UPP2: variants seen among roughly 807,000 people sequenced by gnomAD.
The protein encoded by UPP2 is uridine phosphorylase 2, also known as UPase 2.
In UPP2, 23 loss-of-function variants were observed where a neutral mutation model predicts 26.7. That is an observed-to-expected ratio of 0.86 (90% CI 0.62 to 1.22). UPP2 has a LOEUF of 1.22. Among genes scored for constraint, UPP2 ranks in the 50% most tolerant of loss-of-function variants. UPP2 has a pLI of 0.00. For synonymous variants in UPP2, 127 were observed against 141.3 expected (o/e 0.90, Z 0.72); for missense variants, 387 against 396.7 (o/e 0.98, Z 0.21).
chr2:158,013,003 G>A (rs769100990), intron 2 of UPP2, among the ~76,000 whole-genome samples: 17 of 151,318 alleles, frequency 1.1e-4, no homozygotes, highest in Non-Finnish European at 2.9e-5. Context: ...TTAAGCTATT[G>A]TTATTATTAT....
At chr2:158,120,010 CAAA>C (rs377179788) in intron 4 of UPP2, among the ~76,000 whole-genome samples, 1 of 139,380 alleles carries the variant, frequency 7.2e-6, no homozygotes. Context: ...GACCTCATCT[CAAA>C]AAAAAAAAAT....
At chr2:158,019,630 A>C (rs1683716109) in intron 3 of UPP2, among the ~76,000 whole-genome samples, 1 of 140,752 alleles carries the variant, frequency 7.1e-6, no homozygotes. Context: ...AGGAAATACA[A>C]TCCTTTAAAA....
intron 3 of UPP2, among the ~76,000 whole-genome samples, chr2:158,116,677 A>C (rs147022981): frequency 5.4e-4 from 82 of 152,322 alleles, no homozygotes; most frequent in African/African-American, 1.9e-3. Flanking sequence ...TAACTTACTA[A>C]ATGTCTGAAC....
chr2:158,044,396 G>T (rs1256876667), intron 3 of UPP2, among the ~76,000 whole-genome samples: 1 of 152,088 alleles, frequency 6.6e-6, no homozygotes, highest in Admixed American at 6.6e-5. Context: ...AGAGCAATGT[G>T]TAAGTCTCGG....
chr2:158,065,662 G>C (rs2105182301), intron 3 of UPP2: 2 of 584,190 alleles, frequency 3.4e-6, no homozygotes, highest in East Asian at 7.2e-5. Flanking sequence ...AACTTAAGAA[G>C]TATGGAGTTT....
At chr2:158,131,943 A>G (rs1036507334) in intron 6 of UPP2, among the ~76,000 whole-genome samples, 1 of 152,246 alleles carries the variant, frequency 6.6e-6, no homozygotes, top group African/African-American at 2.4e-5. Flanking sequence ...TGAAATCCAG[A>G]AAAGACATTT....
In UPP2 at chr2:158,019,394, C is replaced by T. The variant is rs530253608; in HGVS notation, c.147+3508C>T. On this transcript the variant is annotated intron_variant, in intron 3 of 9. Coordinates refer to the UPP2 transcript ENST00000605860. ...AGGACGGAGCGGGGAGTAGTATAGGCGCAGAAGACCTTGTGGGTTGGGGTG... is the reference window on the plus strand; with the variant it reads ...AGGACGGAGCGGGGAGTAGTATAGGTGCAGAAGACCTTGTGGGTTGGGGTG... 1.1e-4 allele frequency among the ~76,000 whole-genome samples: 16 copies of T among 152,100 alleles called. No individual in the cohort carries two copies. In the East Asian group the frequency reaches 1.4e-3, roughly 13 times the overall value.
At chr2:158,044,081 C>G (rs1287360408) in intron 3 of UPP2, among the ~76,000 whole-genome samples, 2 of 152,120 alleles carry the variant, frequency 1.3e-5, no homozygotes, top group African/African-American at 4.8e-5. Context: ...TAATTAAGCT[C>G]TAAAGTAGCA....
intron 3 of UPP2, among the ~76,000 whole-genome samples, chr2:158,063,217 C>T (rs551573853): frequency 2.0e-5 from 3 of 152,282 alleles, no homozygotes; most frequent in African/African-American, 7.2e-5. Context: ...CTTTACTTTT[C>T]CCCAAAGCAC....
chr2:158,026,541 G>A (rs571044750), intron 3 of UPP2, among the ~76,000 whole-genome samples: 70 of 152,204 alleles, frequency 4.6e-4, no homozygotes, highest in Admixed American at 8.5e-4. Flanking sequence ...GTAGATGGAG[G>A]AGATGCATAT....
chr2:157,997,043 T>C (rs1428780776), intron 2 of UPP2, among the ~76,000 whole-genome samples: 1 of 152,218 alleles, frequency 6.6e-6, no homozygotes, highest in Non-Finnish European at 1.5e-5. Context: ...TTCACATCAC[T>C]GCAGTAGCAG....
intron 5 of UPP2, among the ~76,000 whole-genome samples, chr2:158,123,024 T>C (rs1008485117): frequency 2.0e-5 from 3 of 151,942 alleles, no homozygotes; most frequent in Non-Finnish European, 2.9e-5. Context: ...GGCAACAGAG[T>C]GCTATTAGCC....
At chr2:158,042,996 C>T (rs994127512) in intron 3 of UPP2, among the ~76,000 whole-genome samples, 9 of 152,250 alleles carry the variant, frequency 5.9e-5, no homozygotes, top group African/African-American at 1.7e-4. Flanking sequence ...GTCTCAAACC[C>T]TCATTTCACC....
intron 3 of UPP2, among the ~76,000 whole-genome samples, chr2:158,046,091 TC>T (rs1247966996): frequency 2.0e-5 from 3 of 152,210 alleles, no homozygotes; most frequent in African/African-American, 7.2e-5. Context: ...CCTAAGAATG[TC>T]AAAATTATTG....
chr2:158,017,661 A>G (rs1218137212), intron 3 of UPP2, among the ~76,000 whole-genome samples: 1 of 152,214 alleles, frequency 6.6e-6, no homozygotes, highest in Non-Finnish European at 1.5e-5. Context: ...TGGTTTATGT[A>G]GTTATTCGTT....
intron 3 of UPP2, among the ~76,000 whole-genome samples, chr2:158,032,394 A>G (rs554872164): frequency 1.3e-5 from 2 of 152,232 alleles, no homozygotes; most frequent in Non-Finnish European, 2.9e-5. Context: ...CTGGGGAGTC[A>G]AACAGGTATA....
At chr2:158,101,842 T>C, upstream of UPP2, 2 of 1,327,502 alleles carry the variant, frequency 1.5e-6, no homozygotes, top group South Asian at 4.0e-5. Context: ...GGCTGTGGTA[T>C]AAAAGTCATG....
chr2:158,072,416 C>G (rs942486263), intron 3 of UPP2, among the ~76,000 whole-genome samples: 2 of 152,288 alleles, frequency 1.3e-5, no homozygotes, highest in East Asian at 3.9e-4. Context: ...GCTGCCCTAA[C>G]AGAAAAGACA....
chr2:158,038,104 A>G (rs1458456807), intron 3 of UPP2, among the ~76,000 whole-genome samples: 1 of 152,242 alleles, frequency 6.6e-6, no homozygotes, highest in Admixed American at 6.5e-5. Flanking sequence ...TCTATATTCC[A>G]TCATCAGTCT....
Sources: gnomAD v4.1 joint callset for allele counts (sites outside exome capture counted in the v4.1 genomes callset) on GRCh38, gnomAD v4.1.1 for gene constraint, MANE v1.5 for transcripts, NCBI Gene and HGNC (gene_info 2026-07-23, HGNC 2026-07-21) for gene names.